Variants in FAM83F observed in about 807,000 individuals in gnomAD.
The protein encoded by FAM83F is protein FAM83F.
Under a neutral mutation model 42.9 loss-of-function variants are expected in FAM83F, and 45 were observed. The observed-to-expected ratio is 1.05, with a 90% CI of 0.83 to 1.35. The LOEUF (loss-of-function observed/expected upper bound fraction) is 1.35. Among genes scored for constraint, FAM83F ranks in the 40% most tolerant of loss-of-function variants. FAM83F has a pLI of 0.00. For synonymous variants in FAM83F, 306 were observed against 298.3 expected (o/e 1.03, Z -0.27); for missense variants, 617 against 695.9 (o/e 0.89, Z 1.28).
At chr22:40,004,592 C>T (rs544691403) in intron 1 of FAM83F, among the ~76,000 whole-genome samples, 29 of 152,172 alleles carry the variant, frequency 1.9e-4, no homozygotes, top group African/African-American at 4.8e-4. Flanking sequence ...TGTGAGCCAC[C>T]GCACCCAGCT....
At chr22:40,019,416 C>A in intron 2 of FAM83F, 81 bp downstream of exon 2, 2 of 1,355,602 alleles carry the variant, frequency 1.5e-6, no homozygotes, top group Non-Finnish European at 2.1e-6. Context: ...CTCCCCCCTG[C>A]CTCTTCCCTG....
intron 1 of FAM83F, among the ~76,000 whole-genome samples, chr22:40,015,457 CTTTG>C (rs778964443): frequency 6.6e-6 from 1 of 152,204 alleles, no homozygotes; most frequent in Non-Finnish European, 1.5e-5. Context: ...GGCACGGTCC[CTTTG>C]TTTGTGCTGT....
At chr22:40,027,758 G>A (rs1601773649) in intron 4 of FAM83F, among the ~76,000 whole-genome samples, 1 of 152,212 alleles carries the variant, frequency 6.6e-6, no homozygotes, top group East Asian at 1.9e-4. Context: ...GGGGAGCATG[G>A]TGCTGGTGAA....
At chr22:39,996,830 A>G (rs2067375450) in intron 1 of FAM83F, among the ~76,000 whole-genome samples, 1 of 152,074 alleles carries the variant, frequency 6.6e-6, no homozygotes, top group South Asian at 2.1e-4. Context: ...TCCCTGTCTG[A>G]CTGAGTTTTC....
rs762773803 is a variant in FAM83F, at chr22:40,019,973, G to T, written c.744G>T (p.Met248Ile). Residue 248 changes from methionine to isoleucine, a missense_variant, in exon 3 of 5, where the codon ATG (methionine) becomes ATT (isoleucine). By Grantham distance (10) the Met-to-Ile change is conservative. Transcript: ENST00000333407. Reference protein sequence around the residue: ...IKGTLSSRFLMVDGDKVATGS... With the variant: ...IKGTLSSRFLIVDGDKVATGS... Reference sequence around the variant, plus strand: ...GGACCCTGTCATCAAGGTTCCTGATGGTGGACGGTGACAAAGTGGCCACTG... The same window carrying T: ...GGACCCTGTCATCAAGGTTCCTGATTGTGGACGGTGACAAAGTGGCCACTG... 13 of 1,613,620 alleles carry T rather than the reference G, an allele frequency of 8.1e-6. No individual in the cohort carries two copies. Among genetic ancestry groups the T allele is most frequent in the Non-Finnish European group, 1.1e-5 (13 of 1,179,740 alleles).
chr22:40,007,228 T>C (rs2067434068), intron 1 of FAM83F, among the ~76,000 whole-genome samples: 1 of 130,456 alleles, frequency 7.7e-6, no homozygotes, highest in South Asian at 2.6e-4. Context: ...TCCTCTCCTC[T>C]CCTCCCCTCC....
intron 1 of FAM83F, chr22:39,999,008 T>A (rs895588138): frequency 2.6e-5 from 4 of 152,202 alleles, no homozygotes; most frequent in African/African-American, 9.7e-5. Context: ...GGCTGGCAAC[T>A]TGGAAGGATT....
intron 1 of FAM83F, 79 bp from the exon 2 acceptor site, chr22:40,019,089 A>ACT (rs1444996896): frequency 6.5e-7 from 1 of 1,543,540 alleles, no homozygotes; most frequent in Non-Finnish European, 8.8e-7. Context: ...CCCCAGGGCG[A>ACT]GGTGGTACCA....
intron 1 of FAM83F, among the ~76,000 whole-genome samples, chr22:40,001,382 T>C (rs970592111): frequency 6.6e-6 from 1 of 152,194 alleles, no homozygotes; most frequent in East Asian, 1.9e-4. Flanking sequence ...TGGCGGCTCA[T>C]GTCCCCAGCA....
At chr22:40,028,594 C>T (rs115385842) in intron 4 of FAM83F, among the ~76,000 whole-genome samples, 110 of 152,278 alleles carry the variant, frequency 7.2e-4, no homozygotes, top group African/African-American at 2.5e-3. Context: ...GCACTCCCTC[C>T]GGAGGTCCGA....
At chr22:40,027,198 A>G (rs1054890525) in intron 4 of FAM83F, among the ~76,000 whole-genome samples, 3 of 152,156 alleles carry the variant, frequency 2.0e-5, no homozygotes, top group Admixed American at 2.0e-4. Context: ...CAAGACTTCA[A>G]TGGAAGGAGA....
Position 39,995,388 on chromosome 22 carries a change from G to A in FAM83F, c.346G>A (p.Val116Met). The change falls in exon 1 of 5, where the codon GTG becomes ATG. Residue 116 changes from valine to methionine, a missense_variant. By Grantham distance (21) the Val-to-Met change is conservative. Coordinates refer to ENST00000333407, the MANE Select transcript of FAM83F (RefSeq NM_138435.4). This position sits in a 1 kb window ranked among gnomAD's most constrained non-coding sequence, Gnocchi z 4.6. ...AYWPDRSDTE[V>M]PPLDLGWTDT... ...CTGGCCCGACCGTTCCGACACCGAG[G>A]TGCCTCCTCTGGACCTGGGCTGGAC... 3.2e-6 allele frequency: 5 copies of A among 1,547,614 alleles called. No homozygotes were observed. The highest frequency in any genetic ancestry group is 3.5e-6 in the Non-Finnish European group (4 of 1,146,728).
chr22:40,035,696 TGACCCC>T lies in FAM83F; in HGVS notation c.*6132_*6137del, dbSNP rs2067619637. 1 of 152,274 alleles carries T rather than the reference TGACCCC, an allele frequency of 6.6e-6. No individual in the cohort carries two copies. Among genetic ancestry groups the T allele is most frequent in the Non-Finnish European group, 1.5e-5 (1 of 68,094 alleles). The allele number at this position is 152,274 out of a possible 1,614,324, so 9.4% of individuals were successfully genotyped here. A position where few individuals can be genotyped will look rare whatever the true frequency, so the allele number is the denominator to read the frequency against. On this transcript the variant is annotated 3_prime_UTR_variant, in exon 5 of 5. Transcript: ENST00000333407. Reference sequence around the variant, plus strand: ...CCTATCTCTGCCACCGAACAGCTAATGACCCCAGCAAGCAATTTCACATCCCCGAAC... The same window carrying T: ...CCTATCTCTGCCACCGAACAGCTAATAGCAAGCAATTTCACATCCCCGAAC...
chr22:40,014,460 T>C (rs1474833649), intron 1 of FAM83F, among the ~76,000 whole-genome samples: 3 of 152,346 alleles, frequency 2.0e-5, no homozygotes, highest in East Asian at 3.9e-4. Flanking sequence ...CCATTTCTGA[T>C]GCTGAGTCAC....
At chr22:40,028,056 G>A (rs1345940773) in intron 4 of FAM83F, among the ~76,000 whole-genome samples, 1 of 152,254 alleles carries the variant, frequency 6.6e-6, no homozygotes, top group Non-Finnish European at 1.5e-5. Context: ...CTCTAAGATG[G>A]CCGCATTTCA....
intron 1 of FAM83F, among the ~76,000 whole-genome samples, chr22:40,003,574 G>T (rs1601762531): frequency 6.6e-6 from 1 of 151,984 alleles, no homozygotes; most frequent in Non-Finnish European, 1.5e-5. Flanking sequence ...CACCCCCAAG[G>T]CTGAGTCATT....
Position 40,030,521 on chromosome 22 carries a change from G to C in FAM83F, c.*956G>C, listed in dbSNP as rs1033667714. 1 of 152,220 alleles carries C rather than the reference G, an allele frequency of 6.6e-6. No individual in the cohort carries two copies. Among genetic ancestry groups the C allele is most frequent in the Admixed American group, 6.5e-5 (1 of 15,284 alleles). 9.4% of individuals were successfully genotyped at this position (152,220 alleles called of 1,614,324 possible). Reference sequence around the variant, plus strand: ...GTCCTCGGACCCCTTCACCAACCAGGGCTTCCAGGTTACACTTTGGCCAGA... The same window carrying C: ...GTCCTCGGACCCCTTCACCAACCAGCGCTTCCAGGTTACACTTTGGCCAGA... On this transcript the variant is annotated 3_prime_UTR_variant, in exon 5 of 5. Coordinates refer to ENST00000333407, the MANE Select transcript of FAM83F (RefSeq NM_138435.4).
chr22:40,010,531 G>A (rs2067457276), intron 1 of FAM83F, among the ~76,000 whole-genome samples: 1 of 152,194 alleles, frequency 6.6e-6, no homozygotes, highest in South Asian at 2.1e-4. Context: ...ACTCGCGAAA[G>A]CCAGGCTGTG....
Position 40,019,947 on chromosome 22 carries a change from G to A in FAM83F, c.718G>A (p.Gly240Arg), listed in dbSNP as rs1261306150. ...GFYMPMGRIK[G>R]TLSSRFLMVD... is the part of the protein sequence containing the mutation. The stretch of plus-strand genomic sequence containing the variant: ...CTACATGCCCATGGGGAGGATCAAG[G>A]GGACCCTGTCATCAAGGTTCCTGAT... Residue 240 changes from glycine (G) to arginine (R), a missense_variant, in exon 3 of 5, where the codon GGG becomes AGG. Transcript: ENST00000333407. The A allele has an allele frequency of 6.2e-7, 1 of 1,613,492 alleles. No individual in the cohort carries two copies. The highest frequency in any genetic ancestry group is 1.7e-5 in the Admixed American group (1 of 59,986).
Sources: gnomAD v4.1 joint callset for allele counts (sites outside exome capture counted in the v4.1 genomes callset) on GRCh38, gnomAD v4.1.1 for gene constraint, Gnocchi (gnomAD v3.1) non-coding constraint, MANE v1.5 for transcripts, NCBI Gene and HGNC (gene_info 2026-07-23, HGNC 2026-07-21) for gene names.